The following SGCZ variants were observed in gnomAD, a reference collection of about 807,000 sequenced individuals.
SGCZ encodes the protein sarcoglycan zeta.
In SGCZ, 40 loss-of-function variants were observed where a neutral mutation model predicts 41.3. The ratio of observed to expected loss-of-function variants is 0.97; its 90% CI spans 0.75 to 1.26. The LOEUF (loss-of-function observed/expected upper bound fraction) is 1.26. SGCZ is among the 50% of genes most tolerant of loss of function. The probability of loss-of-function intolerance (pLI) is 0.00; values close to 1 mark genes in which losing one functional copy is unlikely to be tolerated. For synonymous variants in SGCZ, 206 were observed against 137.5 expected (o/e 1.50, Z -3.49); for missense variants, 552 against 369.8 (o/e 1.49, Z -4.04).
intron 1 of SGCZ, among the ~76,000 whole-genome samples, chr8:14,822,033 G>A (rs1802109635): frequency 6.6e-6 from 1 of 150,548 alleles, no homozygotes; most frequent in Non-Finnish European, 1.5e-5. Flanking sequence ...TGTCCCTGTT[G>A]GCAGATGACT....
At chr8:14,357,021 C>A (rs1284128137) in intron 2 of SGCZ, among the ~76,000 whole-genome samples, 1 of 151,494 alleles carries the variant, frequency 6.6e-6, no homozygotes, top group African/African-American at 2.4e-5. Flanking sequence ...AAATGAGAAG[C>A]AATATAATTA....
At chr8:14,805,687 C>T (rs1184529569) in intron 1 of SGCZ, among the ~76,000 whole-genome samples, 2 of 151,692 alleles carry the variant, frequency 1.3e-5, no homozygotes, top group East Asian at 3.9e-4. Flanking sequence ...AGAAAGTCAC[C>T]AAGGATACCC....
chr8:14,867,529 C>A (rs1803977188), intron 1 of SGCZ, among the ~76,000 whole-genome samples: 1 of 152,142 alleles, frequency 6.6e-6, no homozygotes. Context: ...AATTGCCACT[C>A]TTTCCTCCAC....
chr8:14,989,517 A>G (rs933937744), intron 1 of SGCZ, among the ~76,000 whole-genome samples: 1 of 152,040 alleles, frequency 6.6e-6, no homozygotes, highest in African/African-American at 2.4e-5. Context: ...TAAAGATAAG[A>G]GATTCATATG....
intron 1 of SGCZ, among the ~76,000 whole-genome samples, chr8:14,782,151 C>T (rs186038536): frequency 1.2e-4 from 19 of 152,202 alleles, no homozygotes; most frequent in Non-Finnish European, 1.0e-4. Context: ...ATTGGATAAA[C>T]GACTACTGGG....
intron 1 of SGCZ, among the ~76,000 whole-genome samples, chr8:15,122,073 G>A (rs896719666): frequency 5.9e-5 from 9 of 151,784 alleles, no homozygotes; most frequent in South Asian, 2.1e-4. Context: ...ATTTGGCACC[G>A]TATTCTCATC....
At chr8:14,908,267 T>G (rs1287593674) in intron 1 of SGCZ, among the ~76,000 whole-genome samples, 1 of 152,188 alleles carries the variant, frequency 6.6e-6, no homozygotes, top group Non-Finnish European at 1.5e-5. Flanking sequence ...TTCAGTAAAC[T>G]TGGAGACACA....
At chr8:14,633,883 T>C (rs1806740123) in intron 1 of SGCZ, among the ~76,000 whole-genome samples, 1 of 151,746 alleles carries the variant, frequency 6.6e-6, no homozygotes, top group Admixed American at 6.6e-5. Flanking sequence ...GTGCTGATTT[T>C]AACATTAAAC....
At chr8:14,366,381 T>A (rs572070403) in intron 2 of SGCZ, among the ~76,000 whole-genome samples, 5 of 152,044 alleles carry the variant, frequency 3.3e-5, no homozygotes, top group Non-Finnish European at 5.9e-5. Context: ...CATCCGATCT[T>A]GTAAGAATTC....
chr8:14,264,197 A>G (rs1405382983), intron 3 of SGCZ, among the ~76,000 whole-genome samples: 3 of 152,228 alleles, frequency 2.0e-5, no homozygotes, highest in Admixed American at 6.5e-5. Context: ...TGCAGTAGCC[A>G]TGGTGACTGT....
chr8:14,359,652 A>G (rs749847136), intron 2 of SGCZ, among the ~76,000 whole-genome samples: 1 of 152,154 alleles, frequency 6.6e-6, no homozygotes, highest in Non-Finnish European at 1.5e-5. Flanking sequence ...CTCAGCAAAG[A>G]AAAGCCCAAG....
At chr8:14,576,182 C>T (rs1804706342) in intron 1 of SGCZ, among the ~76,000 whole-genome samples, 1 of 152,064 alleles carries the variant, frequency 6.6e-6, no homozygotes, top group East Asian at 1.9e-4. Flanking sequence ...AAAATGAGAG[C>T]CATGCAAATC....
At chr8:14,890,202 A>G (rs1804961035) in intron 1 of SGCZ, among the ~76,000 whole-genome samples, 1 of 151,568 alleles carries the variant, frequency 6.6e-6, no homozygotes, top group Admixed American at 6.6e-5. Context: ...GGGCGACAGA[A>G]CAAGACTCCA....
At position 14,365,522 on chromosome 8, in the gene SGCZ, T is replaced by G. The variant is rs186490881; in HGVS notation, c.235-41318A>C. 2.9e-3 allele frequency among the ~76,000 whole-genome samples: 439 copies of G among 152,274 alleles called. 2 individuals are homozygous for G. The highest frequency in any genetic ancestry group is 6.6e-3 in the South Asian group (32 of 4,834). ...ATGCAAACTTTTAGTTAATTTTGTT[T>G]ATTATAGTGTTTGTCTCAGGTTTTG... is the stretch of plus-strand genomic sequence containing the variant. On this transcript the variant is annotated intron_variant, in intron 2 of 7. Coordinates refer to ENST00000382080, the MANE Select transcript of SGCZ (RefSeq NM_139167.4).
At chr8:15,091,556 A>C (rs1029132582) in intron 1 of SGCZ, among the ~76,000 whole-genome samples, 14 of 152,216 alleles carry the variant, frequency 9.2e-5, no homozygotes, top group Non-Finnish European at 1.8e-4. Context: ...AAAAATTAGA[A>C]TCACCAAAGC....
At chr8:15,117,328 C>T (rs994286176) in intron 1 of SGCZ, among the ~76,000 whole-genome samples, 1 of 151,716 alleles carries the variant, frequency 6.6e-6, no homozygotes, top group Non-Finnish European at 1.5e-5. Context: ...CACTGCACTC[C>T]AGCCTGGGCG....
intron 1 of SGCZ, among the ~76,000 whole-genome samples, chr8:14,786,216 G>A (rs11991254): frequency 0.069 from 10,449 of 152,056 alleles, 1,021 homozygotes; most frequent in African/African-American, 0.22. Flanking sequence ...AGTTTTATCA[G>A]ACAGTGGTCT....
At chr8:14,536,892 G>C (rs979651725) in intron 2 of SGCZ, among the ~76,000 whole-genome samples, 1 of 151,890 alleles carries the variant, frequency 6.6e-6, no homozygotes. Context: ...GAAGTGACCT[G>C]CTATAAAGCA....
At chr8:15,208,320 C>T (rs981143122) in intron 1 of SGCZ, among the ~76,000 whole-genome samples, 3 of 152,098 alleles carry the variant, frequency 2.0e-5, no homozygotes, top group African/African-American at 2.4e-5. Context: ...TCATCAATGA[C>T]GGGTATGATT....
Sources: gnomAD v4.1 joint callset for allele counts (sites outside exome capture counted in the v4.1 genomes callset) on GRCh38, gnomAD v4.1.1 for gene constraint, MANE v1.5 for transcripts, NCBI Gene and HGNC (gene_info 2026-07-23, HGNC 2026-07-21) for gene names.